MALRD1: variants seen among roughly 807,000 people sequenced by gnomAD.
MALRD1 encodes MAM and LDL-receptor class A domain-containing protein 1.
MALRD1 carries 247 observed loss-of-function variants against 242.1 expected under a neutral mutation model. The observed-to-expected ratio is 1.02, with a 90% CI of 0.92 to 1.13. The LOEUF is 1.13. Among genes scored for constraint, MALRD1 ranks in the 50% most tolerant of loss-of-function variants. The pLI, the probability that MALRD1 is intolerant of heterozygous loss-of-function variation, is 0.00. For missense variants in MALRD1, 2,989 were observed against 2,533.1 expected (o/e 1.18, Z -3.86); for synonymous variants, 995 against 866.6 (o/e 1.15, Z -2.60).
At chr10:19,244,215 A>G (rs1294903867) in intron 18 of MALRD1, among the ~76,000 whole-genome samples, 1 of 152,096 alleles carries the variant, frequency 6.6e-6, no homozygotes, top group Non-Finnish European at 1.5e-5. Flanking sequence ...TCTTCAACTC[A>G]CTGGTTCCTT....
At chr10:19,214,768 G>A (rs546967908) in intron 18 of MALRD1, among the ~76,000 whole-genome samples, 1 of 152,150 alleles carries the variant, frequency 6.6e-6, no homozygotes, top group Non-Finnish European at 1.5e-5. Flanking sequence ...GAAACAAAAA[G>A]AAGTCAGAAG....
Position 19,567,538 on chromosome 10 carries a change from G to A in MALRD1, c.5515G>A (p.Val1839Met), listed in dbSNP as rs1412117082. The stretch of plus-strand genomic sequence containing the variant: ...TGAAGAATCGGGGCTAAACATCCTG[G>A]TGTGGTCAGTGATTGGAAATAAAAG... ...TIEESGLNILVWSVIGNKRTG... is the reference protein window; with the variant it reads ...TIEESGLNILMWSVIGNKRTG... The change falls in exon 33 of 40, where the codon GTG becomes ATG. Residue 1839 changes from valine to methionine, a missense_variant. Physicochemically the swap from Val to Met is conservative, Grantham distance 21 (BLOSUM62 1). Coordinates refer to ENST00000454679, the MANE Select transcript of MALRD1 (RefSeq NM_001142308.3). The A allele has an allele frequency of 3.9e-6, 6 of 1,550,390 alleles. No homozygotes were observed. Among genetic ancestry groups the A allele is most frequent in the Middle Eastern group, 1.7e-4 (1 of 5,992 alleles).
intron 28 of MALRD1, among the ~76,000 whole-genome samples, chr10:19,422,359 T>A (rs1833746514): frequency 6.6e-6 from 1 of 152,182 alleles, no homozygotes; most frequent in Admixed American, 6.6e-5. Flanking sequence ...AAAATATCTT[T>A]TAGATGTTAA....
At chr10:19,270,327 C>G (rs1840157766) in intron 19 of MALRD1, among the ~76,000 whole-genome samples, 1 of 93,772 alleles carries the variant, frequency 1.1e-5, no homozygotes, top group Non-Finnish European at 2.1e-5. Context: ...TTCTCTCTCT[C>G]TCTCTCTCTC....
At chr10:19,371,091 T>C (rs1212130946) in intron 26 of MALRD1, among the ~76,000 whole-genome samples, 2 of 71,172 alleles carry the variant, frequency 2.8e-5, no homozygotes, top group Non-Finnish European at 5.6e-5. Context: ...CTCTACGAAA[T>C]TAAAAAAAAA....
chr10:19,670,881 T>C (rs1841886233), intron 36 of MALRD1, among the ~76,000 whole-genome samples: 2 of 129,096 alleles, frequency 1.5e-5, no homozygotes, highest in South Asian at 4.7e-4. Context: ...AAACAATCAT[T>C]TTTTTTTTTT....
chr10:19,455,951 A>G (rs1835626356), intron 29 of MALRD1, among the ~76,000 whole-genome samples: 1 of 152,024 alleles, frequency 6.6e-6, no homozygotes, highest in Admixed American at 6.6e-5. Flanking sequence ...CATGTTTTCT[A>G]CTTACAGGAC....
intron 19 of MALRD1, among the ~76,000 whole-genome samples, chr10:19,264,912 A>C (rs1839913011): frequency 1.3e-5 from 2 of 152,174 alleles, no homozygotes; most frequent in Admixed American, 1.3e-4. Context: ...TTGGTTAATT[A>C]TTCAATCTCA....
intron 38 of MALRD1, chr10:19,717,023 A>G (rs1325598496): frequency 2.0e-5 from 3 of 152,220 alleles, no homozygotes; most frequent in Admixed American, 6.5e-5. Flanking sequence ...TTTTCTTTGG[A>G]TGTTTCAAGT....
At chr10:19,100,069 C>CT (rs931236433) in intron 4 of MALRD1, among the ~76,000 whole-genome samples, 7 of 151,776 alleles carry the variant, frequency 4.6e-5, no homozygotes, top group South Asian at 2.1e-4. Context: ...AAATTTTTTT[C>CT]TTTTTTTTAA....
intron 14 of MALRD1, among the ~76,000 whole-genome samples, chr10:19,180,136 T>A (rs1835439983): frequency 6.6e-6 from 1 of 152,128 alleles, no homozygotes; most frequent in Non-Finnish European, 1.5e-5. Flanking sequence ...AAAACCAAGG[T>A]GGTTTTGAGT....
At chr10:19,287,033 T>G (rs1841160972) in intron 21 of MALRD1, among the ~76,000 whole-genome samples, 1 of 152,104 alleles carries the variant, frequency 6.6e-6, no homozygotes, top group South Asian at 2.1e-4. Context: ...AATCAATAAA[T>G]GTAATACATA....
At chr10:19,130,836 T>C (rs1446821772) in intron 8 of MALRD1, among the ~76,000 whole-genome samples, 2 of 152,146 alleles carry the variant, frequency 1.3e-5, no homozygotes, top group African/African-American at 4.8e-5. Context: ...TGAAAACAAA[T>C]TGGCTTCAAG....
At chr10:19,359,760 G>GA (rs397947935) in intron 26 of MALRD1, among the ~76,000 whole-genome samples, 23,527 of 88,858 alleles carry the variant, frequency 0.26, 1,871 homozygotes, top group African/African-American at 0.38. Flanking sequence ...TGAAGTAGAT[G>GA]AAAAAAAAAA....
intron 24 of MALRD1, among the ~76,000 whole-genome samples, chr10:19,336,279 GC>G (rs1843608361): frequency 6.6e-6 from 1 of 152,090 alleles, no homozygotes; most frequent in South Asian, 2.1e-4. Flanking sequence ...CATTTTATTA[GC>G]TTTCAAATAC....
chr10:19,469,730 A>G (rs1366390080), intron 29 of MALRD1, among the ~76,000 whole-genome samples: 1 of 152,022 alleles, frequency 6.6e-6, no homozygotes, highest in Non-Finnish European at 1.5e-5. Flanking sequence ...AGTAAGTTAC[A>G]TGCCAAAAAT....
intron 34 of MALRD1, among the ~76,000 whole-genome samples, chr10:19,598,052 C>T (rs1838185773): frequency 6.6e-6 from 1 of 152,194 alleles, no homozygotes; most frequent in Non-Finnish European, 1.5e-5. Flanking sequence ...CACCACCCTG[C>T]CACCATGCCA....
chr10:19,614,357 A>T (rs1360864764), intron 35 of MALRD1, among the ~76,000 whole-genome samples: 1 of 152,052 alleles, frequency 6.6e-6, no homozygotes, highest in Non-Finnish European at 1.5e-5. Context: ...CAGACATTTT[A>T]TAGGGACTCA....
intron 8 of MALRD1, among the ~76,000 whole-genome samples, chr10:19,130,903 G>C (rs1833075235): frequency 6.6e-6 from 1 of 152,054 alleles, no homozygotes. Flanking sequence ...CTATTAATCA[G>C]TAATACAGTT....
Sources: allele counts gnomAD v4.1 joint callset (sites outside exome capture counted in the v4.1 genomes callset), GRCh38; gene constraint gnomAD v4.1.1; transcripts MANE v1.5; gene names NCBI Gene and HGNC (gene_info 2026-07-23, HGNC 2026-07-21).